The following CTNNA3 variants were observed in gnomAD, a reference collection of about 807,000 sequenced individuals.
CTNNA3 encodes catenin alpha 3, also known as catenin alpha-3.
Under a neutral mutation model 95.7 loss-of-function variants are expected in CTNNA3, and 76 were observed. The ratio of observed to expected loss-of-function variants is 0.79; its 90% CI spans 0.66 to 0.96. The LOEUF (loss-of-function observed/expected upper bound fraction) is 0.96. Ranked by LOEUF, CTNNA3 falls within the 40% of genes least tolerant of loss-of-function variation. CTNNA3 has a pLI of 0.00. For missense variants in CTNNA3, 1,191 were observed against 1,089.8 expected, an observed-to-expected ratio of 1.09 and a Z score of -1.31; for synonymous variants, 431 against 374.4, an observed-to-expected ratio of 1.15 and a Z score of -1.74.
intron 15 of CTNNA3, among the ~76,000 whole-genome samples, chr10:66,013,132 C>T (rs1225166228): frequency 6.6e-6 from 1 of 152,208 alleles, no homozygotes; most frequent in Non-Finnish European, 1.5e-5. Context: ...AACTCCTGAC[C>T]TTGGGTGATC....
At chr10:66,095,401 T>A (rs1193704300) in intron 14 of CTNNA3, among the ~76,000 whole-genome samples, 1 of 150,282 alleles carries the variant, frequency 6.7e-6, no homozygotes, top group East Asian at 1.9e-4. Context: ...TGCTGCTGAT[T>A]AATGAAATTT....
At chr10:66,229,292 C>T (rs1188383742) in intron 13 of CTNNA3, among the ~76,000 whole-genome samples, 3 of 152,198 alleles carry the variant, frequency 2.0e-5, no homozygotes, top group African/African-American at 7.2e-5. Context: ...CTCTTTCTTA[C>T]TTGTGCATCT....
intron 6 of CTNNA3, among the ~76,000 whole-genome samples, chr10:67,208,198 A>G (rs1223707508): frequency 4.0e-5 from 6 of 151,666 alleles, no homozygotes; most frequent in African/African-American, 1.2e-4. Flanking sequence ...TGGTGAAACC[A>G]CGTCTCTACT....
chr10:66,378,939 C>T (rs545982675), intron 12 of CTNNA3, among the ~76,000 whole-genome samples: 11 of 152,220 alleles, frequency 7.2e-5, no homozygotes, highest in African/African-American at 2.6e-4. Flanking sequence ...TTATATAACG[C>T]ATATATTTAT....
intron 3 of CTNNA3, among the ~76,000 whole-genome samples, chr10:67,604,588 A>T (rs1843201014): frequency 6.6e-6 from 1 of 152,224 alleles, no homozygotes; most frequent in Non-Finnish European, 1.5e-5. Flanking sequence ...GATCTGAGAG[A>T]CAACAAGGAG....
intron 6 of CTNNA3, among the ~76,000 whole-genome samples, chr10:67,215,137 C>T (rs962174195): frequency 4.6e-5 from 7 of 152,056 alleles, no homozygotes; most frequent in African/African-American, 1.7e-4. Flanking sequence ...AAAGTAACCT[C>T]TTCAAATATC....
At chr10:67,658,945 A>T (rs974471175) in intron 1 of CTNNA3, among the ~76,000 whole-genome samples, 3 of 152,134 alleles carry the variant, frequency 2.0e-5, no homozygotes, top group Admixed American at 6.5e-5. Flanking sequence ...TTTTTGAAAA[A>T]TGATCAAATT....
At chr10:66,968,812 T>C (rs1020381173) in intron 7 of CTNNA3, among the ~76,000 whole-genome samples, 3 of 151,934 alleles carry the variant, frequency 2.0e-5, no homozygotes, top group African/African-American at 7.3e-5. Context: ...AGGTCAGGAG[T>C]TTAAGACGAG....
chr10:65,915,579 T>A lies in CTNNA3; in HGVS notation c.*4751A>T, dbSNP rs948618549. On this transcript the variant is annotated 3_prime_UTR_variant, in exon 18 of 18. Transcript: ENST00000433211. Reference sequence around the variant, plus strand: ...GTTCCCACAAACCAGTGGGGACTGCTAGATGCCATAATGCAGCCAGCAGCC... The same window carrying A: ...GTTCCCACAAACCAGTGGGGACTGCAAGATGCCATAATGCAGCCAGCAGCC... The A allele has an allele frequency of 6.6e-6, 1 of 152,184 alleles. No homozygotes were observed. The highest frequency in any genetic ancestry group is 2.4e-5 in the African/African-American group (1 of 41,450). 9.4% of individuals were successfully genotyped at this position (152,184 alleles called of 1,614,324 possible).
intron 16 of CTNNA3, among the ~76,000 whole-genome samples, chr10:65,987,528 A>G (rs1327130665): frequency 1.3e-5 from 2 of 152,056 alleles, no homozygotes; most frequent in African/African-American, 4.8e-5. Context: ...CAAAAAATAA[A>G]TTCTGTCAAG....
chr10:67,726,661 A>C lies in CTNNA3; in HGVS notation c.-2+36773T>G, dbSNP rs1841230082. 3.9e-5 allele frequency among the ~76,000 whole-genome samples: 3 copies of C among 77,860 alleles called. No individual in the cohort carries two copies. In the South Asian group the frequency reaches 1.3e-3, roughly 34 times the overall value. The allele number at this position is 77,860 out of a possible 152,430, so 51.1% of individuals were successfully genotyped here. A position where few individuals can be genotyped will look rare whatever the true frequency, so the allele number is the denominator to read the frequency against. On this transcript the variant is annotated intron_variant, in intron 1 of 17. Coordinates refer to the CTNNA3 transcript ENST00000684154. ...TATAATATATACTATAATATATTAT[A>C]TATTATATTAATTATATAATATATG...
intron 3 of CTNNA3, among the ~76,000 whole-genome samples, chr10:67,597,313 C>A (rs1842960100): frequency 6.6e-6 from 1 of 152,188 alleles, no homozygotes; most frequent in Non-Finnish European, 1.5e-5. Context: ...CTAGTGCAGT[C>A]ATTTGGAAGT....
chr10:66,718,759 G>A (rs1302332040), intron 9 of CTNNA3, among the ~76,000 whole-genome samples: 2 of 151,890 alleles, frequency 1.3e-5, no homozygotes, highest in African/African-American at 4.8e-5. Context: ...CAAAAACTGT[G>A]CTTGTCATAG....
At chr10:66,075,367 C>A (rs940973361) in intron 14 of CTNNA3, among the ~76,000 whole-genome samples, 4 of 151,668 alleles carry the variant, frequency 2.6e-5, no homozygotes, top group Admixed American at 2.0e-4. Context: ...AGTTATACAG[C>A]AATTAACAAT....
chr10:66,902,024 A>G (rs113371686), intron 7 of CTNNA3, among the ~76,000 whole-genome samples: 3 of 152,194 alleles, frequency 2.0e-5, no homozygotes, highest in African/African-American at 7.2e-5. Context: ...TGTACCCCCA[A>G]GCGGACCTAT....
chr10:66,187,918 C>G (rs1027440338), intron 13 of CTNNA3, among the ~76,000 whole-genome samples: 16 of 152,136 alleles, frequency 1.1e-4, no homozygotes, highest in African/African-American at 3.9e-4. Context: ...GAAACTGTCC[C>G]TAAGGAAGCT....
chr10:67,720,778 A>G (rs935345268), intron 1 of CTNNA3, among the ~76,000 whole-genome samples: 5 of 151,966 alleles, frequency 3.3e-5, no homozygotes, highest in African/African-American at 1.2e-4. Context: ...ACATGGTGAA[A>G]CCCTGTCTCT....
At chr10:66,973,379 A>C (rs1452467891) in intron 7 of CTNNA3, among the ~76,000 whole-genome samples, 4 of 152,202 alleles carry the variant, frequency 2.6e-5, no homozygotes, top group Non-Finnish European at 5.9e-5. Flanking sequence ...TGAATTCTCA[A>C]TAATTTGTAT....
intron 5 of CTNNA3, among the ~76,000 whole-genome samples, chr10:67,382,312 T>C (rs1020832027): frequency 3.3e-5 from 5 of 152,146 alleles, no homozygotes; most frequent in African/African-American, 1.2e-4. Context: ...CATGGCACAC[T>C]AAACAAAAAT....
Sources: gnomAD v4.1 joint callset for allele counts (sites outside exome capture counted in the v4.1 genomes callset) on GRCh38, gnomAD v4.1.1 for gene constraint, MANE v1.5 for transcripts, NCBI Gene and HGNC (gene_info 2026-07-23, HGNC 2026-07-21) for gene names.